SYT14: variants seen among roughly 807,000 people sequenced by gnomAD.
The protein encoded by SYT14 is synaptotagmin-14.
A neutral mutation model predicts 74.2 loss-of-function variants in SYT14; 32 were observed. The observed-to-expected ratio is 0.43, with a 90% CI of 0.33 to 0.58. SYT14 has a LOEUF of 0.58. Among genes scored for constraint, SYT14 ranks in the 20% least tolerant of loss-of-function variants. The probability of loss-of-function intolerance (pLI) is 0.05; values close to 1 mark genes in which losing one functional copy is unlikely to be tolerated. For missense variants in SYT14, 791 were observed against 981.8 expected (o/e 0.81, Z 2.60); for synonymous variants, 298 against 337.7 (o/e 0.88, Z 1.29).
intron 2 of SYT14, among the ~76,000 whole-genome samples, chr1:210,000,341 A>G (rs983604628): frequency 2.0e-5 from 3 of 152,092 alleles, no homozygotes; most frequent in African/African-American, 7.2e-5. Context: ...AACTTGAATG[A>G]AATTATACAT....
At chr1:209,942,315 C>G (rs1421116969) in intron 1 of SYT14, among the ~76,000 whole-genome samples, 1 of 147,354 alleles carries the variant, frequency 6.8e-6, no homozygotes, top group Non-Finnish European at 1.5e-5. Flanking sequence ...CAGAATGTCC[C>G]AAAGTTGTCA....
At chr1:210,048,921 G>A (rs2080937076) in intron 5 of SYT14, among the ~76,000 whole-genome samples, 1 of 152,190 alleles carries the variant, frequency 6.6e-6, no homozygotes, top group Non-Finnish European at 1.5e-5. Context: ...AAACAAAGGG[G>A]CTACAGGCCC....
At chr1:210,002,456 C>G (rs1352536492) in intron 2 of SYT14, among the ~76,000 whole-genome samples, 3 of 152,018 alleles carry the variant, frequency 2.0e-5, no homozygotes, top group Non-Finnish European at 4.4e-5. Flanking sequence ...TTCCAAGATT[C>G]AGTTTTTTGC....
intron 5 of SYT14, among the ~76,000 whole-genome samples, chr1:210,034,577 C>G (rs1209789229): frequency 6.6e-6 from 1 of 151,588 alleles, no homozygotes. Flanking sequence ...CAATTCTCAT[C>G]CCTCACCCAC....
At chr1:209,972,500 T>C (rs1182722834) in intron 2 of SYT14, among the ~76,000 whole-genome samples, 2 of 152,138 alleles carry the variant, frequency 1.3e-5, no homozygotes, top group Non-Finnish European at 2.9e-5. Flanking sequence ...TGAACTTTCC[T>C]CTTAATACTG....
chr1:209,944,309 C>T (rs1164215926), intron 1 of SYT14, among the ~76,000 whole-genome samples: 2 of 151,972 alleles, frequency 1.3e-5, no homozygotes, highest in Non-Finnish European at 2.9e-5. Context: ...CAGTCAAAAA[C>T]GTAATTGACT....
At chr1:210,058,892 C>T (rs1485154500) in intron 5 of SYT14, among the ~76,000 whole-genome samples, 1 of 152,142 alleles carries the variant, frequency 6.6e-6, no homozygotes, top group Admixed American at 6.5e-5. Flanking sequence ...CTCACTTTGT[C>T]TCCCACTCAA....
At chr1:210,078,794 T>G (rs2081563343) in intron 5 of SYT14, among the ~76,000 whole-genome samples, 1 of 151,792 alleles carries the variant, frequency 6.6e-6, no homozygotes, top group Admixed American at 6.6e-5. Flanking sequence ...TCGCCCAGGC[T>G]GGAGTGCACT....
intron 5 of SYT14, among the ~76,000 whole-genome samples, chr1:210,045,831 T>C (rs1195409278): frequency 6.6e-6 from 1 of 152,186 alleles, no homozygotes; most frequent in Non-Finnish European, 1.5e-5. Context: ...TTTATGTCAC[T>C]TTAGAACTTC....
At chr1:209,938,411 G>C (rs2078670393) in intron 1 of SYT14, 134 bp downstream of exon 1, 1 of 810,824 alleles carries the variant, frequency 1.2e-6, no homozygotes, top group South Asian at 2.5e-5. Flanking sequence ...ACGCGCGGGG[G>C]TCCTGGCCGC....
chr1:210,014,780 T>C (rs139939611), intron 3 of SYT14, among the ~76,000 whole-genome samples: 3 of 152,238 alleles, frequency 2.0e-5, no homozygotes, highest in African/African-American at 4.8e-5. Context: ...TTTTTGATCA[T>C]TTGTGCAGAA....
chr1:210,050,196 C>T (rs547904616), intron 5 of SYT14, among the ~76,000 whole-genome samples: 69 of 152,276 alleles, frequency 4.5e-4, no homozygotes, highest in Non-Finnish European at 5.4e-4. Flanking sequence ...AAATTTCTTC[C>T]GCCAGATACC....
intron 5 of SYT14, among the ~76,000 whole-genome samples, chr1:210,025,558 C>CTGAG (rs1330833207): frequency 6.6e-6 from 1 of 152,054 alleles, no homozygotes; most frequent in Non-Finnish European, 1.5e-5. Context: ...TCTCAACAGC[C>CTGAG]TGAGTAATTC....
At chr1:210,162,632 CAACT>C in exon 10 of SYT14, 1 of 416,542 alleles carries the variant, frequency 2.4e-6, no homozygotes, top group Non-Finnish European at 4.7e-6. Context: ...CTTCTAGTCC[CAACT>C]AAGTACTATA....
In SYT14 at chr1:210,128,863, T is replaced by C. The variant is rs1047792588; in HGVS notation, c.2035-26858T>C. On this transcript the variant is annotated intron_variant, in intron 7 of 9. Coordinates refer to ENST00000637265, the Ensembl canonical transcript of SYT14. ...CATAAATTGTTTTCCCGAAGAACATTGTGGATATGAGTGAGTTGAAGTATA... is the reference window on the plus strand; with the variant it reads ...CATAAATTGTTTTCCCGAAGAACATCGTGGATATGAGTGAGTTGAAGTATA... Among the ~76,000 whole-genome samples, 3 of 152,232 alleles carry C rather than the reference T, an allele frequency of 2.0e-5. No individual in the cohort carries two copies. The South Asian group carries it at 6.2e-4, about 32-fold the overall frequency.
intron 2 of SYT14, among the ~76,000 whole-genome samples, chr1:210,010,116 AT>A (rs1224995531): frequency 2.8e-4 from 42 of 152,236 alleles, no homozygotes; most frequent in African/African-American, 9.9e-4. Flanking sequence ...TTGCTACCAT[AT>A]TTCAGTTTTC....
intron 2 of SYT14, among the ~76,000 whole-genome samples, chr1:209,996,173 G>T (rs1332484264): frequency 1.3e-5 from 2 of 152,034 alleles, no homozygotes; most frequent in African/African-American, 2.4e-5. Context: ...CCATACAAAA[G>T]ATCAATGAAA....
chr1:209,951,179 A>G (rs2078906243), intron 1 of SYT14, among the ~76,000 whole-genome samples: 1 of 152,208 alleles, frequency 6.6e-6, no homozygotes, highest in Admixed American at 6.6e-5. Context: ...ACAACACATT[A>G]TTAATAACTG....
chr1:209,998,383 G>T lies in SYT14; in HGVS notation c.-485-15250G>T, dbSNP rs535983648. ...TAAAATGACCATATTACACAAAGTGGTCTACACATTCAGTGCAATCCCTGT... is the reference window on the plus strand; with the variant it reads ...TAAAATGACCATATTACACAAAGTGTTCTACACATTCAGTGCAATCCCTGT... On this transcript the variant is annotated intron_variant, in intron 2 of 9. Coordinates refer to ENST00000637265, the Ensembl canonical transcript of SYT14. Among the ~76,000 whole-genome samples the T allele has an allele frequency of 7.2e-5, 11 of 151,928 alleles. No individual in the cohort carries two copies. In the South Asian group the frequency reaches 8.3e-4, roughly 12 times the overall value.
Sources: gnomAD v4.1 joint callset for allele counts (sites outside exome capture counted in the v4.1 genomes callset) on GRCh38, gnomAD v4.1.1 for gene constraint, MANE v1.5 for transcripts, NCBI Gene and HGNC (gene_info 2026-07-23, HGNC 2026-07-21) for gene names.